MPND: variants seen among roughly 807,000 people sequenced by gnomAD.
MPND encodes MPN domain containing.
A neutral mutation model predicts 59.2 loss-of-function variants in MPND; 56 were observed. The observed-to-expected ratio is 0.95, with a 90% CI of 0.76 to 1.18. The LOEUF (loss-of-function observed/expected upper bound fraction) is 1.18, where lower values mean the gene tolerates loss of function less well. Among genes scored for constraint, MPND ranks in the 50% most tolerant of loss-of-function variants. The pLI is 0.00. For missense variants in MPND, 671 were observed against 676.0 expected (o/e 0.99, Z 0.08); for synonymous variants, 323 against 291.9 (o/e 1.11, Z -1.09).
At chr19:4,355,208 G>A (rs751132283) in intron 8 of MPND, 35 bp downstream of exon 8, 3 of 1,604,596 alleles carry the variant, frequency 1.9e-6, no homozygotes, top group East Asian at 4.5e-5. Context: ...ATTCTGGGGA[G>A]GGTTGGGAAG....
intron 4 of MPND, 189 bp from the exon 5 acceptor site, chr19:4,353,856 T>C: frequency 1.9e-6 from 1 of 539,646 alleles, no homozygotes; most frequent in South Asian, 2.6e-5. Context: ...TAAATAAGAG[T>C]CTCACTCTGT....
chr19:4,355,234 G>C lies in MPND; in HGVS notation c.996+61G>C, dbSNP rs563771474. ...GGTTGGGAAGGGACATAGCTGTCCT[G>C]GCGACTGCCCAGTGGCTGGCAGTGT... On this transcript the variant is annotated intron_variant, in intron 8 of 12. Coordinates refer to ENST00000599840, the MANE Select transcript of MPND (RefSeq NM_001300862.2). 45 of 1,565,174 alleles carry C rather than the reference G, an allele frequency of 2.9e-5. No homozygotes were observed. The South Asian group carries it at 4.1e-4, about 14-fold the overall frequency.
At chr19:4,351,778 C>G (rs769941715) in intron 3 of MPND, among the ~76,000 whole-genome samples, 1 of 150,804 alleles carries the variant, frequency 6.6e-6, no homozygotes, top group Non-Finnish European at 1.5e-5. Context: ...AGGAAAATCA[C>G]TTGAACCCGG....
chr19:4,350,871 T>TG (rs1053015629), intron 3 of MPND, among the ~76,000 whole-genome samples: 1 of 151,096 alleles, frequency 6.6e-6, no homozygotes, highest in African/African-American at 2.4e-5. Flanking sequence ...GGGAGGGGTG[T>TG]GGAGGGAGGA....
In MPND at chr19:4,355,947, GGATTCAAGT is replaced by G. The variant is rs142592251; in HGVS notation, c.996+780_996+788del. 9.5e-3 allele frequency among the ~76,000 whole-genome samples: 1,428 copies of G among 149,596 alleles called. 29 individuals are homozygous for G. The highest frequency in any genetic ancestry group is 0.046 in the East Asian group (226 of 4,962). On this transcript the variant is annotated intron_variant, in intron 8 of 12. Coordinates refer to ENST00000599840, the MANE Select transcript of MPND (RefSeq NM_001300862.2). ...TGGCTCACTGCAACCTCCACCTTCC[GGATTCAAGT>G]GATTCTCCTGCCTCTGCCTCCTGAA... is the stretch of plus-strand genomic sequence containing the variant.
At chr19:4,346,693 G>A (rs765596454) in intron 3 of MPND, among the ~76,000 whole-genome samples, 55 of 151,404 alleles carry the variant, frequency 3.6e-4, no homozygotes, top group African/African-American at 8.7e-4. Context: ...TTGGGATTGC[G>A]GGCGTGAGCT....
In MPND at chr19:4,357,363, C is replaced by G. The variant is rs1343354365; in HGVS notation, c.1107C>G (p.Tyr369Ter). The G allele has an allele frequency of 6.2e-7, 1 of 1,613,250 alleles. No individual in the cohort carries two copies. The highest frequency in any genetic ancestry group is 1.7e-5 in the Admixed American group (1 of 60,012). Residue 369 changes from tyrosine to a stop codon, truncating the protein, a stop_gained, in exon 9 of 13, where the codon TAC (tyrosine) becomes TAG (stop). Transcript: ENST00000599840. LOFTEE classifies it high-confidence loss of function. Reference protein sequence around the residue: ...SLQDIDAQMDYQLRLQGSSNG... With the variant: ...SLQDIDAQMD ...AGGACATCGACGCACAGATGGACTA[C>G]CAGCTGCGGCTGCAGGGCTCCAGCA...
At chr19:4,345,078 C>T (rs1479301800) in intron 2 of MPND, among the ~76,000 whole-genome samples, 7 of 114,254 alleles carry the variant, frequency 6.1e-5, no homozygotes, top group East Asian at 5.7e-4. Flanking sequence ...GACAGAGTCT[C>T]GCGCTGTTGC....
rs145738083 is a variant in MPND at position 4,356,400 on chromosome 19, C to T, written c.997-853C>T. 4.7e-3 allele frequency among the ~76,000 whole-genome samples: 718 copies of T among 152,216 alleles called. 10 individuals are homozygous for T. Among genetic ancestry groups the T allele is most frequent in the African/African-American group, 0.016 (677 of 41,550 alleles). ...CTCTACAAAAGATAAAAAAAATTAGCCAGACATGGTGGTACGCACCTGTAG... is the reference window on the plus strand; with the variant it reads ...CTCTACAAAAGATAAAAAAAATTAGTCAGACATGGTGGTACGCACCTGTAG... On this transcript the variant is annotated intron_variant, in intron 8 of 12. Transcript: ENST00000599840.
intron 6 of MPND, 74 bp downstream of exon 6, chr19:4,354,494 C>A (rs75746739): frequency 5.0e-6 from 6 of 1,195,656 alleles, no homozygotes; most frequent in Non-Finnish European, 7.2e-6. Context: ...GGCTCCCCTG[C>A]GTATCAGCTC....
At chr19:4,357,456 G>A (rs765037221) in intron 9 of MPND, 35 bp downstream of exon 9, 40 of 1,609,616 alleles carry the variant, frequency 2.5e-5, no homozygotes, top group Middle Eastern at 1.7e-4. Context: ...GAGCAAGGAG[G>A]GGGGATGCTG....
chr19:4,358,114 A>C lies in MPND; in HGVS notation c.1268A>C (p.Asp423Ala). ...CCCAGTGACTATGGCATCCCCATGG[A>C]TGTGGAGATGGCCTACGTCCAGGAC... ...QRPSDYGIPM[D>A]VEMAYVQDSF... The change falls in exon 11 of 13, where the codon GAT becomes GCT. Residue 423 changes from aspartate (D) to alanine (A), a missense_variant. Transcript: ENST00000599840. 6.4e-7 allele frequency: 1 copy of C among 1,551,434 alleles called. No individual in the cohort carries two copies. Among genetic ancestry groups the C allele is most frequent in the South Asian group, 1.2e-5 (1 of 84,060 alleles).
rs772978936 is a variant in MPND at position 4,343,952 on chromosome 19, G to T, written c.252G>T (p.Ala84=). ...CACTGCGGGTGCTCCTCAAAGACGC[G>T]CTGCTGGAGCCTGGCGCCGGGGTGC... ...AVTLRVLLKD[A]LLEPGAGVLS... is the part of the protein sequence containing the mutation. The change falls in exon 2 of 13, where the codon GCG becomes GCT. Residue 84 remains alanine, a synonymous_variant. Coordinates refer to ENST00000599840, the MANE Select transcript of MPND (RefSeq NM_001300862.2). The T allele has an allele frequency of 4.3e-6, 6 of 1,382,402 alleles. No homozygotes were observed. In the African/African-American group the frequency reaches 9.0e-5, roughly 21 times the overall value. The allele number at this position is 1,382,402 out of a possible 1,614,324, so 85.6% of individuals were successfully genotyped here.
intron 8 of MPND, among the ~76,000 whole-genome samples, chr19:4,355,801 G>A (rs1480674832): frequency 6.6e-6 from 1 of 151,446 alleles, no homozygotes; most frequent in Non-Finnish European, 1.5e-5. Context: ...CTCGTGATCT[G>A]CCCACCTCGG....
intron 8 of MPND, among the ~76,000 whole-genome samples, 171 bp downstream of exon 8, chr19:4,355,344 T>C (rs1014951795): frequency 1.3e-5 from 2 of 149,542 alleles, no homozygotes; most frequent in Non-Finnish European, 3.0e-5. Flanking sequence ...TGCTTTTTTT[T>C]TTTTTTTTTG....
At chr19:4,354,512 G>A in intron 6 of MPND, 92 bp downstream of exon 6, 1 of 1,033,302 alleles carries the variant, frequency 9.7e-7, no homozygotes, top group Non-Finnish European at 1.5e-6. Flanking sequence ...CTCCATGAGA[G>A]CTGGGGCCTT....
chr19:4,359,422 C>A (rs77944096), intron 12 of MPND, among the ~76,000 whole-genome samples, 167 bp downstream of exon 12: 2,254 of 152,206 alleles, frequency 0.015, 28 homozygotes, highest in South Asian at 0.055. Flanking sequence ...AGGGTGCAGG[C>A]CAGATTTGAT....
At chr19:4,345,528 C>T (rs570609323) in intron 2 of MPND, among the ~76,000 whole-genome samples, 13 of 152,200 alleles carry the variant, frequency 8.5e-5, no homozygotes, top group African/African-American at 2.9e-4. Flanking sequence ...TCATGGTGGG[C>T]GGGGTGCAGA....
chr19:4,352,697 T>A (rs1446214323), intron 3 of MPND, among the ~76,000 whole-genome samples, 200 bp from the exon 4 acceptor site: 1 of 140,414 alleles, frequency 7.1e-6, no homozygotes, highest in Non-Finnish European at 1.5e-5. Flanking sequence ...AATAAATAAA[T>A]AAAAAATAAA....
Sources: allele counts gnomAD v4.1 joint callset (sites outside exome capture counted in the v4.1 genomes callset), GRCh38; gene constraint gnomAD v4.1.1; transcripts MANE v1.5; gene names NCBI Gene and HGNC (gene_info 2026-07-23, HGNC 2026-07-21).